Variants in CPSF1 observed in about 807,000 individuals in gnomAD.
The protein encoded by CPSF1 is cleavage and polyadenylation specificity factor subunit 1.
Under a neutral mutation model 175.8 loss-of-function variants are expected in CPSF1, and 106 were observed. The ratio of observed to expected loss-of-function variants is 0.60; its 90% CI spans 0.52 to 0.71. The LOEUF is 0.71. CPSF1 is among the 30% of genes least tolerant of loss of function. The pLI is 0.00. For missense variants in CPSF1, 1,734 were observed against 2,022.9 expected (o/e 0.86, Z 2.74); for synonymous variants, 1,024 against 858.3 (o/e 1.19, Z -3.37).
chr8:144,409,249 G>T, intron 1 of CPSF1, 40 bp downstream of exon 1: 2 of 1,187,490 alleles, frequency 1.7e-6, no homozygotes, highest in African/African-American at 1.6e-5. Flanking sequence ...CCCCTCCCCG[G>T]CCTCGCGCTG....
At chr8:144,398,496 G>C (rs2116850850) in intron 18 of CPSF1, 29 bp downstream of exon 18, 4 of 1,611,120 alleles carry the variant, frequency 2.5e-6, no homozygotes, top group Non-Finnish European at 3.4e-6. Flanking sequence ...CCCAGCCCCA[G>C]GTCCCAGGTC....
chr8:144,394,071 C>T, intron 34 of CPSF1, 33 bp from the exon 35 acceptor site: 1 of 1,610,964 alleles, frequency 6.2e-7, no homozygotes, highest in Non-Finnish European at 8.5e-7. Flanking sequence ...TCACTGCTAG[C>T]CCAGCCCCGG....
In CPSF1 at chr8:144,394,304, G is replaced by C; in HGVS notation, c.3745-4C>G. On this transcript the variant is annotated splice_region_variant and splice_polypyrimidine_tract_variant and intron_variant, in intron 32 of 37. Transcript: ENST00000616140. ...ACACCTCCAGGGGCTTGGCATCCTG[G>C]GGGCGGGAAGGGGGCGTCAGAGGTG... 1.3e-6 allele frequency: 2 copies of C among 1,586,556 alleles called. No homozygotes were observed. The highest frequency in any genetic ancestry group is 2.3e-5 in the South Asian group (2 of 87,954).
At chr8:144,400,135 G>GGGGGGGCGCCCC in intron 9 of CPSF1, 31 bp downstream of exon 9, 2 of 896,010 alleles carry the variant, frequency 2.2e-6, no homozygotes, top group Non-Finnish European at 3.2e-6. Context: ...CCGTCCCCGG[G>GGGGGGGCGCCCC]CCCCCCCCGC....
chr8:144,397,108 G>A (rs1162841367), intron 23 of CPSF1, 99 bp downstream of exon 23: 12 of 1,207,012 alleles, frequency 9.9e-6, no homozygotes, highest in African/African-American at 9.3e-5. Context: ...CGGGGCCGTG[G>A]GGGAGATGGG....
chr8:144,397,154 C>T (rs1467599206), intron 23 of CPSF1, 53 bp downstream of exon 23: 20 of 1,468,026 alleles, frequency 1.4e-5, no homozygotes, highest in East Asian at 2.5e-5. Context: ...TGTGGGGGAA[C>T]GGGCAGGGCC....
intron 2 of CPSF1, among the ~76,000 whole-genome samples, chr8:144,408,117 G>A (rs1586639632): frequency 6.6e-6 from 1 of 152,102 alleles, no homozygotes; most frequent in East Asian, 1.9e-4. Context: ...CTGCCTGCTG[G>A]GTCAGCCCCT....
In CPSF1 at chr8:144,409,265, TCGGCCGCCCGCC is replaced by T. The variant is rs1401836499; in HGVS notation, c.-15+12_-15+23del. ...CCCTCCCCGGCCTCGCGCTGCCGCCTCGGCCGCCCGCCCGGCCGCCCACCTGGCAGTTGGAGC... is the reference window on the plus strand; with the variant it reads ...CCCTCCCCGGCCTCGCGCTGCCGCCTCGGCCGCCCACCTGGCAGTTGGAGC... On this transcript the variant is annotated intron_variant, in intron 1 of 37. Transcript: ENST00000616140. The T allele has an allele frequency of 2.5e-4, 270 of 1,093,724 alleles. 6 individuals carry two copies. The highest frequency in any genetic ancestry group is 1.6e-3 in the African/African-American group (97 of 60,674). The allele number at this position is 1,093,724 out of a possible 1,614,324, so 67.8% of individuals were successfully genotyped here.
chr8:144,395,528 C>A lies in CPSF1; in HGVS notation c.3003G>T (p.Leu1001=). The A allele has an allele frequency of 6.3e-7, 1 of 1,590,620 alleles. No individual in the cohort carries two copies. The highest frequency in any genetic ancestry group is 1.1e-5 in the South Asian group (1 of 90,668). ...NRQGELRISV[L]PAYLSYDAPW... Reference sequence around the variant, plus strand: ...GGGCATCATAGGACAGGTAGGCAGGCAGGACACTGATCCTCAGCTCGCCCT... The same window carrying A: ...GGGCATCATAGGACAGGTAGGCAGGAAGGACACTGATCCTCAGCTCGCCCT... The change falls in exon 27 of 38, where the codon CTG becomes CTT. Residue 1001 remains leucine (L), a synonymous_variant. Coordinates refer to ENST00000616140, the MANE Select transcript of CPSF1 (RefSeq NM_013291.3).
rs2116886732 is a variant in CPSF1 at position 144,401,686 on chromosome 8, G to A, written c.145-13C>T. 6.2e-7 allele frequency: 1 copy of A among 1,603,168 alleles called. No individual in the cohort carries two copies. Among genetic ancestry groups the A allele is most frequent in the South Asian group, 1.1e-5 (1 of 89,426 alleles). On this transcript the variant is annotated splice_polypyrimidine_tract_variant and intron_variant, in intron 2 of 37. Transcript: ENST00000616140. ...TCTTGGTCAGAGCCTGGAGGGGAGAGAAAGACAGGGCAGTGAGGGGCCACA... is the reference window on the plus strand; with the variant it reads ...TCTTGGTCAGAGCCTGGAGGGGAGAAAAAGACAGGGCAGTGAGGGGCCACA...
In CPSF1 at chr8:144,394,257, T is replaced by C; in HGVS notation, c.3788A>G (p.Asp1263Gly). ...ACCCAGAAAACCCAGCTGGGCATTG[T>C]CCACCATGAAGTCCACGCTGTACAC... is the stretch of plus-strand genomic sequence containing the variant. ...LEVYSVDFMV[D>G]NAQLGFLVSD... The change falls in exon 33 of 38, where the codon GAC (aspartate) becomes GGC (glycine). Residue 1263 changes from aspartate (D) to glycine (G), a missense_variant. By Grantham distance (94) the Asp-to-Gly change is moderately conservative. Coordinates refer to ENST00000616140, the MANE Select transcript of CPSF1 (RefSeq NM_013291.3). 6.2e-7 allele frequency: 1 copy of C among 1,605,052 alleles called. No homozygotes were observed. The highest frequency in any genetic ancestry group is 8.5e-7 in the Non-Finnish European group (1 of 1,175,388).
At position 144,401,246 on chromosome 8, in the gene CPSF1, G is replaced by C; in HGVS notation, c.352C>G (p.Leu118Val). The C allele has an allele frequency of 1.3e-6, 2 of 1,551,874 alleles. No individual in the cohort carries two copies. Among genetic ancestry groups the C allele is most frequent in the Non-Finnish European group, 1.7e-6 (2 of 1,147,554 alleles). ...YDPGTHDLKT[L>V]SLHYFEEPEL... ...GGCTCCTCAAAGTAGTGCAGTGACA[G>C]GGTCTTCAGGTCATGGGTGCCCGGG... The change falls in exon 5 of 38, where the codon CTG becomes GTG. Residue 118 changes from leucine (L) to valine (V), a missense_variant. This residue lies in a region of CPSF1 where 122 missense variants were observed against 177.2 expected (regional missense o/e 0.69). Transcript: ENST00000616140.
chr8:144,402,611 C>A (rs2116892149), intron 2 of CPSF1, among the ~76,000 whole-genome samples: 1 of 152,236 alleles, frequency 6.6e-6, no homozygotes, highest in African/African-American at 2.4e-5. Context: ...TCATTTTTCA[C>A]GATGGACTTG....
chr8:144,398,574 T>A lies in CPSF1; in HGVS notation c.1703A>T (p.Asp568Val). ...AATCAGGAATCCGTGTCTGCGGCCG[T>A]CGTCGTCTGCTTCAGGGGTGGTGCT... is the stretch of plus-strand genomic sequence containing the variant. ...EPSTTPEADD[D>V]GRRHGFLILS... is the part of the protein sequence containing the mutation. Residue 568 changes from aspartate to valine, a missense_variant, in exon 18 of 38, where the codon GAC (aspartate) becomes GTC (valine). Asp to Val is a radical substitution (Grantham distance 152). Around this residue, in one of 10 missense-constraint regions of CPSF1, gnomAD observed 280 missense variants for 349.2 expected, o/e 0.80. Transcript: ENST00000616140. 1 of 1,613,826 alleles carries A rather than the reference T, an allele frequency of 6.2e-7. No homozygotes were observed. The highest frequency in any genetic ancestry group is 8.5e-7 in the Non-Finnish European group (1 of 1,179,910).
Position 144,398,047 on chromosome 8 carries a change from A to G in CPSF1, c.1980T>C (p.Ser660=). 1 of 1,612,432 alleles carries G rather than the reference A, an allele frequency of 6.2e-7. No homozygotes were observed. Among genetic ancestry groups the G allele is most frequent in the East Asian group, 2.2e-5 (1 of 44,866 alleles). ...GGAACATGGTGACGTGGCCCTCGGC[A>G]CTCATGATGACCACATAGGGGTCGG... The part of the protein sequence containing the change: ...AVADPYVVIM[S]AEGHVTMFLL... Residue 660 remains serine (S), a synonymous_variant, in exon 20 of 38, where the codon AGT becomes AGC. Coordinates refer to ENST00000616140, the MANE Select transcript of CPSF1 (RefSeq NM_013291.3).
At chr8:144,405,925 G>T (rs1291983525) in intron 2 of CPSF1, among the ~76,000 whole-genome samples, 1 of 152,188 alleles carries the variant, frequency 6.6e-6, no homozygotes, top group Non-Finnish European at 1.5e-5. Context: ...CCTGTCCCCA[G>T]CTCTTCAAGT....
Position 144,394,224 on chromosome 8 carries a change from G to T in CPSF1, c.3811+10C>A. The T allele has an allele frequency of 6.2e-7, 1 of 1,608,162 alleles. No homozygotes were observed. Among genetic ancestry groups the T allele is most frequent in the Non-Finnish European group, 8.5e-7 (1 of 1,177,354 alleles). On this transcript the variant is annotated intron_variant, in intron 33 of 37. Transcript: ENST00000616140. ...CAGAGCCTCAGCTCCCCAGGGCCCT[G>T]CCCACATACCCAGAAAACCCAGCTG...
In CPSF1 at chr8:144,395,083, C is replaced by A; in HGVS notation, c.3272+15G>T. ...AGGCCTTGGGCAGACCCCACCCCCG[C>A]CGGCCCAGCCTCACCTGGCATTGGG... On this transcript the variant is annotated intron_variant, in intron 29 of 37. Transcript: ENST00000616140. The A allele has an allele frequency of 6.2e-7, 1 of 1,604,870 alleles. No homozygotes were observed. Among genetic ancestry groups the A allele is most frequent in the Non-Finnish European group, 8.5e-7 (1 of 1,174,770 alleles).
At chr8:144,405,720 G>T (rs1224725979) in intron 2 of CPSF1, among the ~76,000 whole-genome samples, 1 of 152,228 alleles carries the variant, frequency 6.6e-6, no homozygotes, top group Non-Finnish European at 1.5e-5. Flanking sequence ...GCAGACTGTG[G>T]TGGCAGGGAC....
Sources: gnomAD v4.1 joint callset for allele counts (sites outside exome capture counted in the v4.1 genomes callset) on GRCh38, gnomAD v4.1.1 for gene constraint, gnomAD v4.1.1 regional missense constraint, MANE v1.5 for transcripts, NCBI Gene and HGNC (gene_info 2026-07-23, HGNC 2026-07-21) for gene names.